The following SLC22A4 variants were observed in gnomAD, a reference collection of about 807,000 sequenced individuals.
SLC22A4 encodes the protein ET transporter.
Under a neutral mutation model 56.6 loss-of-function variants are expected in SLC22A4, and 39 were observed. That is an observed-to-expected ratio of 0.69 (90% CI 0.53 to 0.90). The LOEUF (loss-of-function observed/expected upper bound fraction) is 0.90. Among genes scored for constraint, SLC22A4 ranks in the 40% least tolerant of loss-of-function variants. The pLI, the probability that SLC22A4 is intolerant of heterozygous loss-of-function variation, is 0.00. For synonymous variants in SLC22A4, 241 were observed against 281.4 expected, an observed-to-expected ratio of 0.86 and a Z score of 1.44; for missense variants, 594 against 696.5, an observed-to-expected ratio of 0.85 and a Z score of 1.66.
intron 1 of SLC22A4, among the ~76,000 whole-genome samples, chr5:132,310,301 G>T (rs943242573): frequency 2.0e-5 from 3 of 152,192 alleles, no homozygotes; most frequent in African/African-American, 7.2e-5. Context: ...CACATCATGA[G>T]GCTTTGGGCC....
intron 4 of SLC22A4, chr5:132,324,432 T>C: frequency 2.2e-6 from 1 of 464,802 alleles, no homozygotes; most frequent in Non-Finnish European, 4.5e-6. Flanking sequence ...CACTGTGCCC[T>C]AAGGAGAGCT....
intron 4 of SLC22A4, among the ~76,000 whole-genome samples, chr5:132,324,044 T>A (rs1030743054): frequency 1.3e-5 from 2 of 151,984 alleles, no homozygotes; most frequent in African/African-American, 4.8e-5. Flanking sequence ...AATAAAAAAT[T>A]AGCTGGGTGC....
intron 4 of SLC22A4, among the ~76,000 whole-genome samples, chr5:132,325,139 G>T (rs1191126552): frequency 6.6e-6 from 1 of 152,156 alleles, no homozygotes; most frequent in African/African-American, 2.4e-5. Flanking sequence ...AGAATCTGAG[G>T]CCAGTGGTCT....
chr5:132,305,897 A>G (rs1214574018), intron 1 of SLC22A4, among the ~76,000 whole-genome samples: 2 of 152,226 alleles, frequency 1.3e-5, no homozygotes, highest in African/African-American at 4.8e-5. Context: ...CAAGTGGAAA[A>G]GCTTCCCATG....
At chr5:132,342,251 T>C (rs1230170772) in intron 9 of SLC22A4, among the ~76,000 whole-genome samples, 3 of 152,120 alleles carry the variant, frequency 2.0e-5, no homozygotes, top group Admixed American at 6.5e-5. Flanking sequence ...AAAAAGCTCA[T>C]AGTAACCAGT....
At chr5:132,340,379 G>C (rs1213245980) in intron 8 of SLC22A4, among the ~76,000 whole-genome samples, 186 bp from the exon 9 acceptor site, 2 of 152,146 alleles carry the variant, frequency 1.3e-5, no homozygotes, top group African/African-American at 4.8e-5. Context: ...AATGCAAAAG[G>C]ATTATAGACA....
chr5:132,324,516 GC>G (rs1279731242), intron 4 of SLC22A4: 1 of 470,968 alleles, frequency 2.1e-6, no homozygotes, highest in Non-Finnish European at 4.4e-6. Flanking sequence ...GACAGGACTT[GC>G]CCCAGACAGA....
At chr5:132,296,990 C>T (rs1749794033) in intron 1 of SLC22A4, among the ~76,000 whole-genome samples, 1 of 152,192 alleles carries the variant, frequency 6.6e-6, no homozygotes, top group Non-Finnish European at 1.5e-5. Flanking sequence ...TTTTCCCTTC[C>T]TGGCTTCCTT....
rs4646198 is a variant in SLC22A4, at chr5:132,329,473, C to CTT, written c.951+2082_951+2083dup. On this transcript the variant is annotated intron_variant, in intron 5 of 9. Coordinates refer to ENST00000200652, the MANE Select transcript of SLC22A4 (RefSeq NM_003059.3). The stretch of plus-strand genomic sequence containing the variant: ...CACTGTGTTCTGCTCATTGCTCATG[C>CTT]TTTTTTTTTTTTTCAAAAAAAGAAA... Among the ~76,000 whole-genome samples, 8 of 145,376 alleles carry CTT rather than the reference C, an allele frequency of 5.5e-5. No homozygotes were observed. In the East Asian group the frequency reaches 8.1e-4, roughly 15 times the overall value.
chr5:132,333,571 G>A (rs272881), intron 6 of SLC22A4, among the ~76,000 whole-genome samples: 90,843 of 152,018 alleles, frequency 0.6, 27,733 homozygotes, highest in African/African-American at 0.65. Flanking sequence ...AAATCTGGGC[G>A]GTGAGAGTTC....
rs778433494 is a variant in SLC22A4, at chr5:132,294,781, C to A, written c.165C>A (p.Ala55=). 6.2e-7 allele frequency: 1 copy of A among 1,613,410 alleles called. No individual in the cohort carries two copies. Among genetic ancestry groups the A allele is most frequent in the Non-Finnish European group, 8.5e-7 (1 of 1,180,002 alleles). ...TPEHRCRVPD[A]ANLSSAWRNN... is the part of the protein sequence containing the mutation. ...AGCACCGCTGTCGAGTGCCGGACGCCGCGAACCTGAGCAGCGCCTGGCGCA... is the reference window on the plus strand; with the variant it reads ...AGCACCGCTGTCGAGTGCCGGACGCAGCGAACCTGAGCAGCGCCTGGCGCA... The change falls in exon 1 of 10, where the codon GCC becomes GCA. Residue 55 remains alanine, a synonymous_variant. Transcript: ENST00000200652. This position sits in a 1 kb window ranked among gnomAD's most constrained non-coding sequence, Gnocchi z 5.6.
chr5:132,335,309 A>G (rs765515036), intron 7 of SLC22A4, among the ~76,000 whole-genome samples: 68 of 152,342 alleles, frequency 4.5e-4, no homozygotes, highest in Non-Finnish European at 6.8e-4. Flanking sequence ...GTTCCAGGAT[A>G]CATTCAGTGG....
chr5:132,308,169 A>G (rs1278457920), intron 1 of SLC22A4, among the ~76,000 whole-genome samples: 2 of 152,084 alleles, frequency 1.3e-5, no homozygotes. Context: ...CTCTAGCCAA[A>G]GAGCAAGGGT....
chr5:132,314,568 T>C (rs2126713714), intron 3 of SLC22A4, among the ~76,000 whole-genome samples: 1 of 152,280 alleles, frequency 6.6e-6, no homozygotes, highest in East Asian at 1.9e-4. Flanking sequence ...GGTGATAATA[T>C]ATTCTAGGTG....
At chr5:132,296,977 A>G (rs555701047) in intron 1 of SLC22A4, among the ~76,000 whole-genome samples, 17 of 152,270 alleles carry the variant, frequency 1.1e-4, no homozygotes, top group African/African-American at 3.9e-4. Context: ...TTTTTTTGGC[A>G]GCTTTTCCCT....
chr5:132,333,486 G>A (rs1057319163), intron 6 of SLC22A4, among the ~76,000 whole-genome samples: 8 of 152,192 alleles, frequency 5.3e-5, no homozygotes, highest in African/African-American at 2.4e-5. Context: ...TTCATGGGCA[G>A]AAACAGGTTG....
At position 132,313,726 on chromosome 5, in the gene SLC22A4, G is replaced by T; in HGVS notation, c.610G>T (p.Gly204Cys). 1 of 1,614,196 alleles carries T rather than the reference G, an allele frequency of 6.2e-7. No homozygotes were observed. Among genetic ancestry groups the T allele is most frequent in the Non-Finnish European group, 8.5e-7 (1 of 1,180,024 alleles). ...GTTCACTGTGTTATTTGTCATCGTG[G>T]GCATGGGCCAGATCTCCAACTATGT... The part of the protein sequence containing the change: ...EMFTVLFVIV[G>C]MGQISNYVVA... The change falls in exon 3 of 10, where the codon GGC becomes TGC. Residue 204 changes from glycine (G) to cysteine (C), a missense_variant. Gly to Cys is a radical substitution (Grantham distance 159). Transcript: ENST00000200652.
intron 1 of SLC22A4, among the ~76,000 whole-genome samples, chr5:132,300,327 A>G (rs1333218901): frequency 6.6e-6 from 1 of 152,178 alleles, no homozygotes; most frequent in Non-Finnish European, 1.5e-5. Context: ...CTCTGTCACT[A>G]ATAAATATCT....
chr5:132,340,664 T>C lies in SLC22A4; in HGVS notation c.1544T>C (p.Leu515Pro). 1 of 1,614,138 alleles carries C rather than the reference T, an allele frequency of 6.2e-7. No individual in the cohort carries two copies. Among genetic ancestry groups the C allele is most frequent in the South Asian group, 1.1e-5 (1 of 91,084 alleles). The change falls in exon 9 of 10, where the codon CTT becomes CCT. Residue 515 changes from leucine to proline, a missense_variant. Transcript: ENST00000200652. ...TTCCCTGAAAGTTTGGGAATGACTC[T>C]TCCAGAAACCTTAGAGCAGATGCAG... Reference protein sequence around the residue: ...LFFPESLGMTLPETLEQMQKV... With the variant: ...LFFPESLGMTPPETLEQMQKV...
Sources: gnomAD v4.1 joint callset for allele counts (sites outside exome capture counted in the v4.1 genomes callset) on GRCh38, gnomAD v4.1.1 for gene constraint, Gnocchi (gnomAD v3.1) non-coding constraint, MANE v1.5 for transcripts, NCBI Gene and HGNC (gene_info 2026-07-23, HGNC 2026-07-21) for gene names.